The following BCAS3 variants were observed in gnomAD, a reference collection of about 807,000 sequenced individuals.
BCAS3 encodes the protein BCAS4/BCAS3 fusion.
In BCAS3, 53 loss-of-function variants were observed where a neutral mutation model predicts 116.1. That is an observed-to-expected ratio of 0.46 (90% CI 0.37 to 0.57). The LOEUF (loss-of-function observed/expected upper bound fraction) is 0.57, where lower values mean the gene tolerates loss of function less well. Ranked by LOEUF, BCAS3 falls within the 20% of genes least tolerant of loss-of-function variation. The pLI is 0.00. For synonymous variants in BCAS3, 391 were observed against 408.2 expected (o/e 0.96, Z 0.51); for missense variants, 917 against 1,165.4 (o/e 0.79, Z 3.10).
At chr17:60,979,624 C>T (rs549978962) in intron 14 of BCAS3, among the ~76,000 whole-genome samples, 5 of 148,900 alleles carry the variant, frequency 3.4e-5, no homozygotes, top group Admixed American at 2.0e-4. Flanking sequence ...ATGATATTGG[C>T]TGTGGGTTTG....
chr17:60,952,811 A>G (rs895553347), intron 14 of BCAS3, among the ~76,000 whole-genome samples: 23 of 151,872 alleles, frequency 1.5e-4, no homozygotes, highest in Admixed American at 1.2e-3. Context: ...TGTTCCCTCT[A>G]TGTGTCCATG....
chr17:61,129,022 C>G (rs1166589928), intron 22 of BCAS3, among the ~76,000 whole-genome samples: 1 of 152,206 alleles, frequency 6.6e-6, no homozygotes, highest in African/African-American at 2.4e-5. Flanking sequence ...AGGAAACGCT[C>G]ACGCAAGGGC....
chr17:60,738,132 C>T (rs759286585), intron 5 of BCAS3, among the ~76,000 whole-genome samples: 22 of 152,284 alleles, frequency 1.4e-4, no homozygotes, highest in South Asian at 2.1e-4. Context: ...AGAAGATGCC[C>T]TATCTTAGTG....
chr17:60,724,039 A>C (rs1362663314), intron 5 of BCAS3, among the ~76,000 whole-genome samples: 3 of 150,488 alleles, frequency 2.0e-5, no homozygotes, highest in Non-Finnish European at 4.4e-5. Context: ...ACTTTCTTAA[A>C]ATTTTCTTTT....
intron 6 of BCAS3, chr17:60,748,952 G>A (rs2042222032): frequency 6.6e-6 from 1 of 152,084 alleles, no homozygotes; most frequent in African/African-American, 2.4e-5. Flanking sequence ...AAGACTAGTC[G>A]AGTGCAGTAG....
intron 22 of BCAS3, among the ~76,000 whole-genome samples, chr17:61,320,525 C>CA (rs1305017261): frequency 6.6e-6 from 1 of 151,762 alleles, no homozygotes; most frequent in Non-Finnish European, 1.5e-5. Flanking sequence ...ACTAAAAATA[C>CA]AAAAAAATTA....
In BCAS3 at chr17:61,332,806, GGGTTTCACCATGTTAGCCA is replaced by G. The variant is rs972245093; in HGVS notation, c.2426-35518_2426-35500del. Reference sequence around the variant, plus strand: ...AATTTTTGTATTTTTAGGAGAGACGGGGTTTCACCATGTTAGCCAGGCTGGTCTCAAACTCCTGACCTCA... The same window carrying G: ...AATTTTTGTATTTTTAGGAGAGACGGGGCTGGTCTCAAACTCCTGACCTCA... On this transcript the variant is annotated intron_variant, in intron 22 of 23. Transcript: ENST00000407086. The surrounding 1 kb of genome is among the most constrained non-coding windows in gnomAD (Gnocchi z 5.4). 1.1e-4 allele frequency among the ~76,000 whole-genome samples: 16 copies of G among 152,206 alleles called. No individual in the cohort carries two copies. The highest frequency in any genetic ancestry group is 3.6e-4 in the African/African-American group (15 of 41,532).
At chr17:61,158,825 C>T (rs1203856047) in intron 22 of BCAS3, among the ~76,000 whole-genome samples, 8 of 152,048 alleles carry the variant, frequency 5.3e-5, no homozygotes, top group Non-Finnish European at 2.9e-5. Flanking sequence ...CAAAAATTAG[C>T]AGATAACAAA....
chr17:61,288,383 C>A (rs2052042910), intron 22 of BCAS3, among the ~76,000 whole-genome samples: 1 of 152,160 alleles, frequency 6.6e-6, no homozygotes, highest in Non-Finnish European at 1.5e-5. Flanking sequence ...CTGTATGTTT[C>A]TTTGTTGGGA....
chr17:61,105,322 C>A lies in BCAS3; in HGVS notation c.2425+20758C>A, dbSNP rs573550411. Among the ~76,000 whole-genome samples, 20 of 152,272 alleles carry A rather than the reference C, an allele frequency of 1.3e-4. No homozygotes were observed. Among genetic ancestry groups the A allele is most frequent in the African/African-American group, 4.3e-4 (18 of 41,558 alleles). ...AGAAAAACCTAGGAGGAGCTAGTTC[C>A]ATTTGTGAGGTTTTCAATAAAACTT... On this transcript the variant is annotated intron_variant, in intron 22 of 23. Coordinates refer to ENST00000407086, the MANE Select transcript of BCAS3 (RefSeq NM_017679.5). The surrounding 1 kb of genome is among the most constrained non-coding windows in gnomAD (Gnocchi z 4.3).
At position 60,993,559 on chromosome 17, in the gene BCAS3, T is replaced by C. The variant is rs1043352110; in HGVS notation, c.1486+3324T>C. 1.3e-5 allele frequency among the ~76,000 whole-genome samples: 2 copies of C among 152,224 alleles called. No individual in the cohort carries two copies. Among genetic ancestry groups the C allele is most frequent in the Admixed American group, 6.5e-5 (1 of 15,282 alleles). On this transcript the variant is annotated intron_variant, in intron 15 of 23. Transcript: ENST00000407086. This position sits in a 1 kb window ranked among gnomAD's most constrained non-coding sequence, Gnocchi z 4.2. ...TTTCTCATTTTTGAAGCATGGACTTTAGAGTGATGGTCATTTTTCTTCATG... is the reference window on the plus strand; with the variant it reads ...TTTCTCATTTTTGAAGCATGGACTTCAGAGTGATGGTCATTTTTCTTCATG...
chr17:61,094,412 A>G (rs571826965), intron 22 of BCAS3, among the ~76,000 whole-genome samples: 7 of 152,366 alleles, frequency 4.6e-5, no homozygotes, highest in Non-Finnish European at 8.8e-5. Context: ...AAATTTTCTC[A>G]AAAATAAGCA....
At position 61,352,167 on chromosome 17, in the gene BCAS3, G is replaced by A. The variant is rs1023195712; in HGVS notation, c.2426-16160G>A. Among the ~76,000 whole-genome samples the A allele has an allele frequency of 1.3e-5, 2 of 152,226 alleles. No individual in the cohort carries two copies. On this transcript the variant is annotated intron_variant, in intron 22 of 23. Coordinates refer to ENST00000407086, the MANE Select transcript of BCAS3 (RefSeq NM_017679.5). This position sits in a 1 kb window ranked among gnomAD's most constrained non-coding sequence, Gnocchi z 4.7. ...GTTCAGCTGTTAGCCCTAACTCAGA[G>A]TTAGATGACAGGTCCATGTCCAGCT...
chr17:60,798,339 A>G (rs545803993), intron 6 of BCAS3, among the ~76,000 whole-genome samples: 1 of 152,144 alleles, frequency 6.6e-6, no homozygotes, highest in Non-Finnish European at 1.5e-5. Context: ...AAGTCCTTAA[A>G]TTCCTCTGTG....
chr17:60,908,043 G>A (rs1216568694), intron 11 of BCAS3, among the ~76,000 whole-genome samples: 1 of 152,112 alleles, frequency 6.6e-6, no homozygotes, highest in Non-Finnish European at 1.5e-5. Context: ...TAGTTAATGG[G>A]TTATGATAAA....
chr17:60,998,838 A>AT (rs1342585194), intron 15 of BCAS3, among the ~76,000 whole-genome samples: 1 of 151,686 alleles, frequency 6.6e-6, no homozygotes, highest in Non-Finnish European at 1.5e-5. Context: ...CCAGTTGTCA[A>AT]TTTTTTTTGT....
At chr17:61,057,159 T>C (rs186748289) in intron 19 of BCAS3, among the ~76,000 whole-genome samples, 2 of 152,324 alleles carry the variant, frequency 1.3e-5, no homozygotes, top group East Asian at 3.9e-4. Flanking sequence ...TGTGCTTACT[T>C]ACCATCTTTT....
Position 61,214,323 on chromosome 17 carries a change from T to C in BCAS3, c.2425+129759T>C, listed in dbSNP as rs964322969. Among the ~76,000 whole-genome samples the C allele has an allele frequency of 2.0e-5, 3 of 151,728 alleles. No individual in the cohort carries two copies. Among genetic ancestry groups the C allele is most frequent in the African/African-American group, 4.8e-5 (2 of 41,276 alleles). ...TGGAGGTTGCGGTGAGCTGAGATCA[T>C]GCCATTGCACTCCAGCCTCGGCCAC... On this transcript the variant is annotated intron_variant, in intron 22 of 23. Coordinates refer to ENST00000407086, the MANE Select transcript of BCAS3 (RefSeq NM_017679.5). The surrounding 1 kb of genome is among the most constrained non-coding windows in gnomAD (Gnocchi z 4.4).
At chr17:60,708,276 G>A (rs2037423489) in intron 4 of BCAS3, among the ~76,000 whole-genome samples, 1 of 147,802 alleles carries the variant, frequency 6.8e-6, no homozygotes, top group South Asian at 2.2e-4. Context: ...AGTGAGCTAT[G>A]ATGGCACCAC....
Sources: allele counts gnomAD v4.1 joint callset (sites outside exome capture counted in the v4.1 genomes callset), GRCh38; gene constraint gnomAD v4.1.1; non-coding constraint Gnocchi (gnomAD v3.1); transcripts MANE v1.5; gene names NCBI Gene and HGNC (gene_info 2026-07-23, HGNC 2026-07-21).